The following NCALD variants were observed in gnomAD, a reference collection of about 807,000 sequenced individuals.
NCALD encodes the protein neurocalcin delta, also known as neurocalcin-delta.
In NCALD, 10 loss-of-function variants were observed where a neutral mutation model predicts 18.6. That is an observed-to-expected ratio of 0.54 (90% CI 0.33 to 0.91). The LOEUF (loss-of-function observed/expected upper bound fraction) is 0.91, where lower values mean the gene tolerates loss of function less well. Among genes scored for constraint, NCALD ranks in the 40% least tolerant of loss-of-function variants. The pLI is 0.03. For missense variants in NCALD, 184 were observed against 247.6 expected (o/e 0.74, Z 1.72); for synonymous variants, 88 against 87.4 (o/e 1.01, Z -0.04).
intron 1 of NCALD, among the ~76,000 whole-genome samples, chr8:101,752,517 T>TTAGA (rs1429935039): frequency 1.3e-5 from 2 of 152,190 alleles, no homozygotes; most frequent in Non-Finnish European, 2.9e-5. Context: ...TTTTAAAAGC[T>TTAGA]TAGATGAGTT....
intron 2 of NCALD, among the ~76,000 whole-genome samples, chr8:102,000,924 G>A (rs1419516930): frequency 6.6e-6 from 1 of 152,168 alleles, no homozygotes; most frequent in Non-Finnish European, 1.5e-5. Flanking sequence ...CAAAGATGGG[G>A]AAGAAACAGA....
At chr8:102,112,427 CT>C (rs1825669431) in intron 1 of NCALD, among the ~76,000 whole-genome samples, 3 of 152,050 alleles carry the variant, frequency 2.0e-5, no homozygotes, top group Admixed American at 2.0e-4. Flanking sequence ...CCTCCACATT[CT>C]TTTTTTATAC....
intron 3 of NCALD, among the ~76,000 whole-genome samples, chr8:101,887,555 C>T (rs1415458190): frequency 6.6e-6 from 1 of 151,672 alleles, no homozygotes; most frequent in African/African-American, 2.4e-5. Flanking sequence ...ACATTCAGGC[C>T]TTATGGTCTT....
At chr8:101,934,257 G>A (rs779018475) in intron 2 of NCALD, among the ~76,000 whole-genome samples, 3 of 152,160 alleles carry the variant, frequency 2.0e-5, no homozygotes, top group Non-Finnish European at 4.4e-5. Flanking sequence ...GGCAAACAGA[G>A]GAGACAGTCC....
intron 2 of NCALD, among the ~76,000 whole-genome samples, chr8:102,008,968 A>ACACACACACACAC (rs60824028): frequency 6.6e-5 from 9 of 136,192 alleles, no homozygotes; most frequent in African/African-American, 2.2e-4. Flanking sequence ...ACACACACAC[A>ACACACACACACAC]AGCCCTAAAA....
intron 1 of NCALD, chr8:101,786,084 A>G (rs1227687415): frequency 6.6e-6 from 1 of 152,276 alleles, no homozygotes; most frequent in Non-Finnish European, 1.5e-5. Flanking sequence ...TTAATAGTAC[A>G]TATAGGTCTC....
chr8:101,795,215 AT>A (rs1812594063), upstream of NCALD, among the ~76,000 whole-genome samples: 1 of 152,202 alleles, frequency 6.6e-6, no homozygotes, highest in African/African-American at 2.4e-5. Flanking sequence ...AGCTAGCTAG[AT>A]ATATATTTTT....
intron 2 of NCALD, among the ~76,000 whole-genome samples, chr8:101,988,175 A>AAAAAAAAAAAAAG (rs1563513543): frequency 6.7e-6 from 1 of 149,622 alleles, no homozygotes; most frequent in African/African-American, 2.4e-5. Flanking sequence ...AAAGAAAAAA[A>AAAAAAAAAAAAAG]AAAAGAAAAG....
intron 1 of NCALD, among the ~76,000 whole-genome samples, chr8:101,774,745 C>T (rs1300042443): frequency 1.3e-5 from 2 of 152,164 alleles, no homozygotes. Context: ...GCTGGGCTCT[C>T]CGCTTCCACA....
intron 1 of NCALD, among the ~76,000 whole-genome samples, chr8:102,109,211 A>C (rs541706778): frequency 6.6e-6 from 1 of 152,142 alleles, no homozygotes; most frequent in East Asian, 1.9e-4. Context: ...TACTCTCCTG[A>C]TTATTTGGTT....
intron 1 of NCALD, among the ~76,000 whole-genome samples, chr8:102,037,420 C>G (rs532641220): frequency 6.6e-6 from 1 of 151,762 alleles, no homozygotes; most frequent in African/African-American, 2.4e-5. Context: ...TTAAAAATCT[C>G]AAAATATACC....
intron 2 of NCALD, among the ~76,000 whole-genome samples, chr8:101,706,478 T>C (rs1021661985): frequency 3.9e-5 from 6 of 152,182 alleles, no homozygotes; most frequent in Non-Finnish European, 8.8e-5. Flanking sequence ...ATCCATAAAA[T>C]TGGGCTAATA....
chr8:101,775,503 TG>T (rs1811755838), intron 1 of NCALD, among the ~76,000 whole-genome samples: 1 of 152,166 alleles, frequency 6.6e-6, no homozygotes, highest in African/African-American at 2.4e-5. Context: ...GTTCTGAATT[TG>T]GCCTTAGGAA....
At chr8:101,858,664 G>T (rs2131359303) in intron 4 of NCALD, among the ~76,000 whole-genome samples, 1 of 152,224 alleles carries the variant, frequency 6.6e-6, no homozygotes, top group Non-Finnish European at 1.5e-5. Flanking sequence ...TCTCTTGGAA[G>T]AAATAGAATA....
At chr8:101,858,797 G>A (rs557561610) in intron 4 of NCALD, among the ~76,000 whole-genome samples, 12 of 152,188 alleles carry the variant, frequency 7.9e-5, no homozygotes, top group South Asian at 2.1e-4. Context: ...AGCTTCCAGC[G>A]AGCTTGTTAG....
chr8:101,929,228 AAGGAGGAGG>A (rs372903829), intron 2 of NCALD, among the ~76,000 whole-genome samples: 4 of 108,780 alleles, frequency 3.7e-5, no homozygotes, highest in African/African-American at 1.7e-4. Flanking sequence ...GAAGGGGAAG[AAGGAGGAGG>A]AGGAGGAGGA....
upstream of NCALD, among the ~76,000 whole-genome samples, chr8:101,793,859 C>T (rs1397346931): frequency 6.6e-6 from 1 of 152,146 alleles, no homozygotes; most frequent in Non-Finnish European, 1.5e-5. Flanking sequence ...CTGGTAAATG[C>T]CACTAAACAA....
intron 2 of NCALD, among the ~76,000 whole-genome samples, chr8:102,003,589 A>C (rs560773895): frequency 2.0e-5 from 3 of 152,258 alleles, no homozygotes; most frequent in Admixed American, 1.3e-4. Flanking sequence ...AGAGAATTTT[A>C]GACCAATATC....
At chr8:101,700,266 G>C (rs1815199546) in intron 2 of NCALD, among the ~76,000 whole-genome samples, 1 of 152,012 alleles carries the variant, frequency 6.6e-6, no homozygotes, top group Non-Finnish European at 1.5e-5. Flanking sequence ...GTTTCTCTAT[G>C]TTGCCCAAGC....
Sources: allele counts gnomAD v4.1 joint callset (sites outside exome capture counted in the v4.1 genomes callset), GRCh38; gene constraint gnomAD v4.1.1; transcripts MANE v1.5; gene names NCBI Gene and HGNC (gene_info 2026-07-23, HGNC 2026-07-21).